NFXL1: variants seen among roughly 807,000 people sequenced by gnomAD.
NFXL1 encodes NF-X1-type zinc finger protein NFXL1.
NFXL1 carries 66 observed loss-of-function variants against 123.3 expected under a neutral mutation model. The observed-to-expected ratio is 0.54, with a 90% CI of 0.44 to 0.66. The LOEUF is 0.66. Ranked by LOEUF, NFXL1 falls within the 30% of genes least tolerant of loss-of-function variation. The pLI, the probability that NFXL1 is intolerant of heterozygous loss-of-function variation, is 0.00. For missense variants in NFXL1, 944 were observed against 1,125.6 expected (o/e 0.84, Z 2.31); for synonymous variants, 346 against 360.8 (o/e 0.96, Z 0.46).
At chr4:47,903,358 AT>A (rs1342947267) in intron 4 of NFXL1, 35 bp from the exon 5 acceptor site, 2 of 1,400,378 alleles carry the variant, frequency 1.4e-6, no homozygotes, top group South Asian at 1.6e-5. Context: ...ATATATGTTA[AT>A]TTTTCTTTGT....
intron 14 of NFXL1, 84 bp downstream of exon 14, chr4:47,885,414 C>A (rs1578020849): frequency 2.7e-6 from 3 of 1,105,260 alleles, no homozygotes; most frequent in African/African-American, 1.5e-5. Context: ...AGTGCTTAAT[C>A]ATTGCTCATT....
At chr4:47,861,793 T>TAAGA (rs1734783867) in intron 19 of NFXL1, among the ~76,000 whole-genome samples, 2 of 152,288 alleles carry the variant, frequency 1.3e-5, no homozygotes, top group Non-Finnish European at 2.9e-5. Context: ...ACTCTCAATT[T>TAAGA]CCAACAGATC....
At chr4:47,852,545 G>A (rs1045926173) in intron 20 of NFXL1, among the ~76,000 whole-genome samples, 8 of 152,074 alleles carry the variant, frequency 5.3e-5, no homozygotes, top group African/African-American at 9.6e-5. Flanking sequence ...TTTTTCTCTC[G>A]ACTGTTAAAC....
intron 3 of NFXL1, among the ~76,000 whole-genome samples, chr4:47,907,683 C>A (rs1737623678): frequency 6.6e-6 from 1 of 152,022 alleles, no homozygotes; most frequent in Non-Finnish European, 1.5e-5. Flanking sequence ...CAAAACACAG[C>A]ATAAAAAAAT....
At chr4:47,866,386 C>G (rs1197327487) in intron 18 of NFXL1, among the ~76,000 whole-genome samples, 1 of 152,204 alleles carries the variant, frequency 6.6e-6, no homozygotes, top group Non-Finnish European at 1.5e-5. Context: ...TTTTCCCACA[C>G]TGGCAAGAGA....
At chr4:47,855,221 T>C (rs962211136) in intron 19 of NFXL1, 58 bp from the exon 20 acceptor site, 2 of 962,582 alleles carry the variant, frequency 2.1e-6, no homozygotes, top group Non-Finnish European at 3.2e-6. Context: ...TACTCTAGTT[T>C]CCCCCATACC....
chr4:47,904,654 G>A (rs1282592995), intron 4 of NFXL1, among the ~76,000 whole-genome samples: 2 of 152,172 alleles, frequency 1.3e-5, no homozygotes, highest in African/African-American at 4.8e-5. Flanking sequence ...TTAATCTAAG[G>A]TCTAAATGTT....
Position 47,886,370 on chromosome 4 carries a change from TTTCTC to T in NFXL1, c.1544-376_1544-372del, listed in dbSNP as rs1054304269. Among the ~76,000 whole-genome samples, 105 of 152,200 alleles carry T rather than the reference TTTCTC, an allele frequency of 6.9e-4. 1 individual carries two copies. The highest frequency in any genetic ancestry group is 2.4e-3 in the African/African-American group (99 of 41,506). ...CTGTATACTTTTTATTTGTAATACT[TTTCTC>T]TTTTTTTTTTTGTAACAGGGTCTCA... On this transcript the variant is annotated intron_variant, in intron 12 of 22. Transcript: ENST00000507489.
At chr4:47,853,944 A>G (rs1734264905) in intron 20 of NFXL1, among the ~76,000 whole-genome samples, 1 of 152,130 alleles carries the variant, frequency 6.6e-6, no homozygotes. Context: ...AAAGCCCAGA[A>G]AAGAGTTGTT....
intron 19 of NFXL1, among the ~76,000 whole-genome samples, chr4:47,861,486 G>A (rs1734763560): frequency 6.6e-6 from 1 of 152,064 alleles, no homozygotes; most frequent in South Asian, 2.1e-4. Context: ...TTATAGCTAA[G>A]GCAATTCTAA....
rs763667326 is a variant in NFXL1, at chr4:47,899,137, GCAAAAA to G, written c.827-23_827-18del. ...GGCAGGGACCTAGAATTCAGTAAAAGCAAAAAAAAAAAAAAAAAAAAAATCTAAAGT... is the reference window on the plus strand; with the variant it reads ...GGCAGGGACCTAGAATTCAGTAAAAGAAAAAAAAAAAAAAAAATCTAAAGT... On this transcript the variant is annotated intron_variant, in intron 6 of 22. Transcript: ENST00000507489. 8.6e-6 allele frequency: 6 copies of G among 694,368 alleles called. No individual in the cohort carries two copies. The highest frequency in any genetic ancestry group is 1.8e-4 in the Admixed American group (2 of 11,142). 43.0% of individuals were successfully genotyped at this position (694,368 alleles called of 1,614,324 possible). A position where few individuals can be genotyped will look rare whatever the true frequency, so the allele number is the denominator to read the frequency against.
At chr4:47,869,543 CAT>C (rs1735304036) in intron 18 of NFXL1, among the ~76,000 whole-genome samples, 1 of 151,952 alleles carries the variant, frequency 6.6e-6, no homozygotes, top group African/African-American at 2.4e-5. Flanking sequence ...AATGTAAAGA[CAT>C]AGAAACTCTC....
At chr4:47,850,741 G>A (rs1734070073) in intron 22 of NFXL1, among the ~76,000 whole-genome samples, 2 of 152,070 alleles carry the variant, frequency 1.3e-5, no homozygotes, top group Admixed American at 1.3e-4. Flanking sequence ...TTTTAGTTAA[G>A]TAAAGTCATG....
Position 47,899,067 on chromosome 4 carries a change from C to T in NFXL1, c.880G>A (p.Ala294Thr), listed in dbSNP as rs1407606030. ...CTGCACCTACGAGGGATAGGTTTTG[C>T]TTTCTTACAGTAACAAGTAGTTGTG... ...MVTTTCYCKK[A>T]KPIPRRCSAK... Residue 294 changes from alanine to threonine, a missense_variant, in exon 7 of 23, where the codon GCA (alanine) becomes ACA (threonine). By Grantham distance (58) the Ala-to-Thr change is moderately conservative (BLOSUM62 0). This residue lies in a region of NFXL1 where 296 missense variants were observed against 395.1 expected (regional missense o/e 0.75). Transcript: ENST00000507489. 2.5e-6 allele frequency: 4 copies of T among 1,603,348 alleles called. No homozygotes were observed. The highest frequency in any genetic ancestry group is 1.1e-5 in the South Asian group (1 of 90,824).
intron 17 of NFXL1, among the ~76,000 whole-genome samples, chr4:47,875,986 T>G (rs952718934): frequency 6.6e-6 from 1 of 152,118 alleles, no homozygotes; most frequent in Non-Finnish European, 1.5e-5. Context: ...TTTTCTCACG[T>G]CATACTTGAG....
chr4:47,857,596 T>C (rs1734487299), intron 19 of NFXL1, among the ~76,000 whole-genome samples: 1 of 152,202 alleles, frequency 6.6e-6, no homozygotes, highest in Non-Finnish European at 1.5e-5. Context: ...GTCTTCTGCC[T>C]TCAATAAATG....
chr4:47,867,840 T>C (rs1735192170), intron 18 of NFXL1, among the ~76,000 whole-genome samples: 1 of 152,198 alleles, frequency 6.6e-6, no homozygotes, highest in Non-Finnish European at 1.5e-5. Flanking sequence ...TATACAACTG[T>C]AAATGCTATA....
chr4:47,913,752 AAT>A (rs1307842621), intron 2 of NFXL1, among the ~76,000 whole-genome samples: 1 of 152,226 alleles, frequency 6.6e-6, no homozygotes, highest in Non-Finnish European at 1.5e-5. Context: ...TAACAAAGGT[AAT>A]ACCACCTAAA....
chr4:47,910,968 C>T lies in NFXL1; in HGVS notation c.262G>A (p.Glu88Lys). 1 of 1,601,650 alleles carries T rather than the reference C, an allele frequency of 6.2e-7. No homozygotes were observed. Among genetic ancestry groups the T allele is most frequent in the Non-Finnish European group, 8.5e-7 (1 of 1,175,290 alleles). Residue 88 changes from glutamate (E) to lysine (K), a missense_variant, in exon 3 of 23, where the codon GAA becomes AAA. Glu to Lys is a moderately conservative substitution (Grantham distance 56). Transcript: ENST00000507489. ...GCAGCTTGGTTAGCTTTCTTGATTT[C>T]TTCAAATTTTTTCTGAGACATTAGC... ...SELMSQKKFE[E>K]IKKANQAAAR...
Sources: allele counts gnomAD v4.1 joint callset (sites outside exome capture counted in the v4.1 genomes callset), GRCh38; gene constraint gnomAD v4.1.1; regional missense constraint gnomAD v4.1.1; transcripts MANE v1.5; gene names NCBI Gene and HGNC (gene_info 2026-07-23, HGNC 2026-07-21).